PDZD8: variants seen among roughly 807,000 people sequenced by gnomAD.
PDZD8 encodes PDZ domain-containing protein 8.
PDZD8 carries 14 observed loss-of-function variants against 85.8 expected under a neutral mutation model. That is an observed-to-expected ratio of 0.16 (90% confidence interval 0.11 to 0.26). The LOEUF (loss-of-function observed/expected upper bound fraction) is 0.26, where lower values mean the gene tolerates loss of function less well. Among genes scored for constraint, PDZD8 ranks in the 10% least tolerant of loss-of-function variants. The probability of loss-of-function intolerance (pLI) is 1.00; values close to 1 mark genes in which losing one functional copy is unlikely to be tolerated. For missense variants in PDZD8, 1,197 were observed against 1,424.3 expected (o/e 0.84, Z 2.57); for synonymous variants, 592 against 568.6 (o/e 1.04, Z -0.59).
intron 2 of PDZD8, among the ~76,000 whole-genome samples, chr10:117,319,423 ACACACACACACT>A (rs373003245): frequency 0.27 from 34,532 of 127,672 alleles, 4,725 homozygotes; most frequent in Middle Eastern, 0.36. Flanking sequence ...ACACACACAC[ACACACACACACT>A]CTTCATCTAC....
At position 117,283,231 on chromosome 10, in the gene PDZD8, T is replaced by C. The variant is rs765856053; in HGVS notation, c.*37A>G. 7 of 1,557,766 alleles carry C rather than the reference T, an allele frequency of 4.5e-6. No homozygotes were observed. The South Asian group carries it at 8.6e-5, about 19-fold the overall frequency. On this transcript the variant is annotated 3_prime_UTR_variant, in exon 5 of 5. Transcript: ENST00000334464. Reference sequence around the variant, plus strand: ...ATCTGTGGTACTTTAGATGCAACTTTACCCTGTTCATTTGAAAGCTTAAAT... The same window carrying C: ...ATCTGTGGTACTTTAGATGCAACTTCACCCTGTTCATTTGAAAGCTTAAAT...
intron 3 of PDZD8, among the ~76,000 whole-genome samples, chr10:117,294,085 T>C (rs563635655): frequency 1.3e-5 from 2 of 152,108 alleles, no homozygotes; most frequent in African/African-American, 2.4e-5. Context: ...TAAATGCTTA[T>C]ATAGGGGGGA....
chr10:117,375,440 T>TGGC (rs1363005178), upstream of PDZD8: 9 of 239,222 alleles, frequency 3.8e-5, no homozygotes, highest in East Asian at 1.9e-4. Flanking sequence ...AGGGCCGGTG[T>TGGC]GGCGGCGGCG....
At chr10:117,301,229 C>G (rs932898535) in intron 3 of PDZD8, among the ~76,000 whole-genome samples, 1 of 152,020 alleles carries the variant, frequency 6.6e-6, no homozygotes, top group Admixed American at 6.6e-5. Context: ...AGTAATTAGC[C>G]CACCTCAGCC....
intron 3 of PDZD8, among the ~76,000 whole-genome samples, 156 bp downstream of exon 3, chr10:117,318,716 C>A (rs1386933697): frequency 1.3e-5 from 2 of 152,142 alleles, no homozygotes; most frequent in Admixed American, 1.3e-4. Context: ...TTTACTTTAT[C>A]ACTGTAGTTG....
chr10:117,375,274 C>T lies in PDZD8; in HGVS notation c.-47G>A, dbSNP rs780850170. The T allele has an allele frequency of 2.1e-5, 30 of 1,409,244 alleles. No homozygotes were observed. Among genetic ancestry groups the T allele is most frequent in the Non-Finnish European group, 2.8e-5 (30 of 1,081,670 alleles). 87.3% of individuals were successfully genotyped at this position (1,409,244 alleles called of 1,614,324 possible). A position where few individuals can be genotyped will look rare whatever the true frequency, so the allele number is the denominator to read the frequency against. ...GCCCCTACTCCCGCGCCCACAGCGCCGCTTTCTTCACGCCGCCGCCCCCGC... is the reference window on the plus strand; with the variant it reads ...GCCCCTACTCCCGCGCCCACAGCGCTGCTTTCTTCACGCCGCCGCCCCCGC... On this transcript the variant is annotated 5_prime_UTR_variant, in exon 1 of 5. Transcript: ENST00000334464.
chr10:117,320,158 A>T (rs1033158347), intron 2 of PDZD8, among the ~76,000 whole-genome samples: 2 of 152,188 alleles, frequency 1.3e-5, no homozygotes, highest in African/African-American at 4.8e-5. Context: ...TTAACAACCT[A>T]TTATCAAAAA....
At chr10:117,306,047 C>G (rs1461061171) in intron 3 of PDZD8, among the ~76,000 whole-genome samples, 1 of 152,096 alleles carries the variant, frequency 6.6e-6, no homozygotes, top group Admixed American at 6.6e-5. Context: ...GGTACAGGTA[C>G]GTCTGTTATC....
intron 2 of PDZD8, among the ~76,000 whole-genome samples, chr10:117,339,350 G>A (rs188829560): frequency 1.6e-4 from 25 of 152,270 alleles, no homozygotes; most frequent in Admixed American, 1.5e-3. Flanking sequence ...CTTGTACTTG[G>A]AATGATCAGG....
chr10:117,365,717 T>C (rs1845076884), intron 1 of PDZD8, among the ~76,000 whole-genome samples: 2 of 152,188 alleles, frequency 1.3e-5, no homozygotes, highest in Non-Finnish European at 1.5e-5. Flanking sequence ...AAGAGAGATT[T>C]TGAAACTACT....
intron 1 of PDZD8, among the ~76,000 whole-genome samples, chr10:117,367,096 T>C (rs996412270): frequency 6.6e-6 from 1 of 152,198 alleles, no homozygotes; most frequent in African/African-American, 2.4e-5. Flanking sequence ...ATAGCCAATA[T>C]ACTTGTACAT....
In PDZD8 at chr10:117,283,401, T is replaced by C; in HGVS notation, c.3332A>G (p.Gln1111Arg). The change falls in exon 5 of 5, where the codon CAG becomes CGG. Residue 1111 changes from glutamine to arginine, a missense_variant. Coordinates refer to ENST00000334464, the MANE Select transcript of PDZD8 (RefSeq NM_173791.5). ...IETLESLSLD[Q>R]HSKKISKYTD... is the part of the protein sequence containing the mutation. ...GTACTTGCTTATTTTTTTGGAGTGC[T>C]GGTCTAAAGACAGACTTTCTAAAGT... The C allele has an allele frequency of 3.1e-6, 5 of 1,614,172 alleles. No homozygotes were observed. The highest frequency in any genetic ancestry group is 4.2e-6 in the Non-Finnish European group (5 of 1,179,982).
Position 117,290,864 on chromosome 10 carries a change from C to CTTTT in PDZD8, c.1099-520_1099-517dup, listed in dbSNP as rs145614241. Reference sequence around the variant, plus strand: ...GAAACTCCATTTTGTATGGTGTATCCTTTTTTTTTTTTTTTTTTTTTTTGA... The same window carrying CTTTT: ...GAAACTCCATTTTGTATGGTGTATCCTTTTTTTTTTTTTTTTTTTTTTTTTTTGA... On this transcript the variant is annotated intron_variant, in intron 3 of 4. Coordinates refer to ENST00000334464, the MANE Select transcript of PDZD8 (RefSeq NM_173791.5). Among the ~76,000 whole-genome samples, 72 of 123,524 alleles carry CTTTT rather than the reference C, an allele frequency of 5.8e-4. 2 individuals carry two copies. Among genetic ancestry groups the CTTTT allele is most frequent in the Middle Eastern group, 0.011 (2 of 188 alleles). The allele number at this position is 123,524 out of a possible 152,430, so 81.0% of individuals were successfully genotyped here.
Position 117,279,672 on chromosome 10 carries a change from T to G in PDZD8, c.*3596A>C, listed in dbSNP as rs1209286300. The G allele has an allele frequency of 2.0e-5, 3 of 152,218 alleles. No individual in the cohort carries two copies. The highest frequency in any genetic ancestry group is 4.4e-5 in the Non-Finnish European group (3 of 68,034). 9.4% of individuals were successfully genotyped at this position (152,218 alleles called of 1,614,324 possible). A position where few individuals can be genotyped will look rare whatever the true frequency, so the allele number is the denominator to read the frequency against. ...AACCAGGAAGTTATCCTTCCATCTA[T>G]AAACATTGTTGTCCTGATGGTTGTC... On this transcript the variant is annotated 3_prime_UTR_variant, in exon 5 of 5. Coordinates refer to ENST00000334464, the MANE Select transcript of PDZD8 (RefSeq NM_173791.5).
intron 4 of PDZD8, chr10:117,285,825 T>A: frequency 1.2e-6 from 1 of 808,828 alleles, no homozygotes; most frequent in Non-Finnish European, 1.5e-6. Flanking sequence ...GAGAGAGATC[T>A]ATTTAAAGGA....
chr10:117,363,874 A>G (rs1398908052), intron 1 of PDZD8, among the ~76,000 whole-genome samples: 1 of 152,202 alleles, frequency 6.6e-6, no homozygotes, highest in African/African-American at 2.4e-5. Context: ...ATAAAGAGAA[A>G]TGTGTTCTAA....
chr10:117,348,732 T>A (rs182654563), intron 1 of PDZD8, among the ~76,000 whole-genome samples: 1 of 152,298 alleles, frequency 6.6e-6, no homozygotes, highest in Non-Finnish European at 1.5e-5. Flanking sequence ...AAAAGCCCTA[T>A]CCCAAACAGA....
intron 1 of PDZD8, among the ~76,000 whole-genome samples, chr10:117,357,927 C>G (rs1165470132): frequency 6.7e-6 from 1 of 148,542 alleles, no homozygotes; most frequent in Non-Finnish European, 1.5e-5. Context: ...GCGCTACATA[C>G]TTAGTATTTA....
At chr10:117,311,897 A>T (rs1019192848) in intron 3 of PDZD8, among the ~76,000 whole-genome samples, 6 of 151,688 alleles carry the variant, frequency 4.0e-5, no homozygotes, top group Non-Finnish European at 8.8e-5. Context: ...GAAGCTGGAA[A>T]TATGGTGGGC....
Sources: gnomAD v4.1 joint callset for allele counts (sites outside exome capture counted in the v4.1 genomes callset) on GRCh38, gnomAD v4.1.1 for gene constraint, MANE v1.5 for transcripts, NCBI Gene and HGNC (gene_info 2026-07-23, HGNC 2026-07-21) for gene names.